THSD4: variants seen among roughly 807,000 people sequenced by gnomAD.
THSD4 encodes thrombospondin type 1 domain containing 4.
THSD4 carries 69 observed loss-of-function variants against 119.0 expected under a neutral mutation model. The ratio of observed to expected loss-of-function variants is 0.58; its 90% CI spans 0.48 to 0.71. The LOEUF is 0.71. Ranked by LOEUF, THSD4 falls within the 30% of genes least tolerant of loss-of-function variation. THSD4 has a pLI of 0.00. For missense variants in THSD4, 1,393 were observed against 1,391.1 expected, an observed-to-expected ratio of 1.00 and a Z score of -0.02; for synonymous variants, 524 against 540.4, an observed-to-expected ratio of 0.97 and a Z score of 0.42.
chr15:71,383,860 A>G (rs1209533811), intron 6 of THSD4, among the ~76,000 whole-genome samples: 1 of 152,238 alleles, frequency 6.6e-6, no homozygotes, highest in East Asian at 1.9e-4. Flanking sequence ...CAAGTATACA[A>G]GAGGATGTAC....
intron 14 of THSD4, among the ~76,000 whole-genome samples, chr15:71,749,244 A>G (rs1182406791): frequency 6.6e-6 from 1 of 152,238 alleles, no homozygotes; most frequent in Non-Finnish European, 1.5e-5. Context: ...TGCTATGTGT[A>G]TTCTACCACA....
chr15:71,568,595 CTTTT>C (rs1214605589), intron 7 of THSD4, among the ~76,000 whole-genome samples: 12 of 117,940 alleles, frequency 1.0e-4, no homozygotes, highest in Non-Finnish European at 2.2e-4. Flanking sequence ...TTTTGTTTTT[CTTTT>C]TTTAATTATA....
chr15:71,508,231 T>C (rs2048222458), intron 7 of THSD4, among the ~76,000 whole-genome samples: 1 of 152,202 alleles, frequency 6.6e-6, no homozygotes, highest in Non-Finnish European at 1.5e-5. Flanking sequence ...GGCTTTGTTT[T>C]GCCCTGGGTT....
chr15:71,301,763 A>AGTT (rs71783452), intron 6 of THSD4, among the ~76,000 whole-genome samples: 1,621 of 152,322 alleles, frequency 0.011, 33 homozygotes, highest in African/African-American at 0.036. Context: ...AGAGTTTCGA[A>AGTT]GTTGAGTGTG....
intron 7 of THSD4, among the ~76,000 whole-genome samples, chr15:71,597,093 T>A (rs909692897): frequency 6.6e-6 from 1 of 152,220 alleles, no homozygotes; most frequent in African/African-American, 2.4e-5. Context: ...CTTTTCTTAT[T>A]GTTCCAAAAA....
chr15:71,712,411 GA>G (rs1403376593), intron 8 of THSD4, among the ~76,000 whole-genome samples: 1 of 152,170 alleles, frequency 6.6e-6, no homozygotes, highest in Non-Finnish European at 1.5e-5. Flanking sequence ...GCTTATCCTG[GA>G]AAAGAAGAAA....
At chr15:71,356,088 G>A (rs1037771503) in intron 6 of THSD4, among the ~76,000 whole-genome samples, 2 of 152,100 alleles carry the variant, frequency 1.3e-5, no homozygotes, top group South Asian at 4.2e-4. Flanking sequence ...AACTGGTCTC[G>A]AACTCCTGAC....
intron 6 of THSD4, among the ~76,000 whole-genome samples, chr15:71,344,877 T>A (rs1215717588): frequency 1.3e-5 from 2 of 152,074 alleles, no homozygotes; most frequent in Non-Finnish European, 2.9e-5. Flanking sequence ...CATGTCTGTG[T>A]CTCAGGTCCA....
intron 7 of THSD4, among the ~76,000 whole-genome samples, chr15:71,526,643 G>A (rs7163181): frequency 0.63 from 95,572 of 152,052 alleles, 30,857 homozygotes; most frequent in African/African-American, 0.77. Context: ...TATGTGAAAT[G>A]AAGCTTAATC....
chr15:71,450,969 G>A (rs531676009), intron 7 of THSD4, among the ~76,000 whole-genome samples: 106 of 152,284 alleles, frequency 7.0e-4, no homozygotes, highest in Middle Eastern at 6.8e-3. Flanking sequence ...CTTGAGGTCA[G>A]GAGTTTGAGA....
chr15:71,585,277 A>G (rs2049642699), intron 7 of THSD4, among the ~76,000 whole-genome samples: 1 of 152,210 alleles, frequency 6.6e-6, no homozygotes, highest in Admixed American at 6.5e-5. Context: ...ACCTAATTAT[A>G]ATGAACTTTT....
chr15:71,728,975 C>A, intron 9 of THSD4: 1 of 514,620 alleles, frequency 1.9e-6, no homozygotes, highest in Non-Finnish European at 3.5e-6. Context: ...CCAGTAAAAC[C>A]AATTTTACTT....
At chr15:71,538,454 C>T (rs558330152) in intron 7 of THSD4, among the ~76,000 whole-genome samples, 1 of 152,184 alleles carries the variant, frequency 6.6e-6, no homozygotes, top group Admixed American at 6.5e-5. Flanking sequence ...TTGTTTTTGC[C>T]ACTGTTTTCA....
chr15:71,205,191 G>T (rs995151033), intron 3 of THSD4, among the ~76,000 whole-genome samples: 10 of 152,224 alleles, frequency 6.6e-5, no homozygotes, highest in Admixed American at 2.6e-4. Context: ...TTACCCCGTG[G>T]CTCTCACCTT....
intron 7 of THSD4, among the ~76,000 whole-genome samples, chr15:71,608,050 T>C (rs566771191): frequency 3.3e-5 from 5 of 151,832 alleles, no homozygotes; most frequent in African/African-American, 7.3e-5. Context: ...GGTGAAACCC[T>C]GTCTCTACTA....
At chr15:71,565,919 T>C (rs1029726983) in intron 7 of THSD4, among the ~76,000 whole-genome samples, 1 of 152,236 alleles carries the variant, frequency 6.6e-6, no homozygotes. Context: ...CAGACAGAAG[T>C]AAGTCTCTAT....
At chr15:71,475,409 C>G (rs753595405) in intron 7 of THSD4, among the ~76,000 whole-genome samples, 27 of 152,118 alleles carry the variant, frequency 1.8e-4, no homozygotes, top group Non-Finnish European at 3.4e-4. Context: ...TTTAACATAC[C>G]TCTTCAATGA....
At chr15:71,447,118 G>GTTT (rs1555414736) in intron 7 of THSD4, among the ~76,000 whole-genome samples, 3,337 of 75,722 alleles carry the variant, frequency 0.044, 201 homozygotes, top group African/African-American at 0.069. Context: ...CATTTTTTTT[G>GTTT]TTTTTTTTTT....
intron 13 of THSD4, among the ~76,000 whole-genome samples, chr15:71,748,110 A>G (rs1464421137): frequency 2.6e-5 from 4 of 152,124 alleles, no homozygotes; most frequent in African/African-American, 9.7e-5. Context: ...CCAACCTTCC[A>G]TCCTGTCATG....
Sources: gnomAD v4.1 joint callset for allele counts (sites outside exome capture counted in the v4.1 genomes callset) on GRCh38, gnomAD v4.1.1 for gene constraint, MANE v1.5 for transcripts, NCBI Gene and HGNC (gene_info 2026-07-23, HGNC 2026-07-21) for gene names.